The following NCOA6 variants were observed in gnomAD, a reference collection of about 807,000 sequenced individuals.
The protein encoded by NCOA6 is nuclear receptor coactivator 6, also known as NRC RAP250.
NCOA6 carries 49 observed loss-of-function variants against 171.4 expected under a neutral mutation model. The observed-to-expected ratio is 0.29, with a 90% CI of 0.23 to 0.36. NCOA6 has a LOEUF of 0.36. NCOA6 is among the 10% of genes least tolerant of loss of function. The pLI is 1.00. For synonymous variants in NCOA6, 910 were observed against 927.5 expected (o/e 0.98, Z 0.34); for missense variants, 2,248 against 2,554.5 (o/e 0.88, Z 2.59).
chr20:34,807,565 G>A (rs530813732), intron 1 of NCOA6, among the ~76,000 whole-genome samples: 31 of 152,034 alleles, frequency 2.0e-4, no homozygotes, highest in African/African-American at 4.8e-5. Context: ...TCGCTCTGTC[G>A]CTCAGGCTGG....
At chr20:34,802,554 T>A (rs1024758716) in intron 1 of NCOA6, among the ~76,000 whole-genome samples, 1 of 151,774 alleles carries the variant, frequency 6.6e-6, no homozygotes, top group African/African-American at 2.4e-5. Context: ...TGAGCCGAGA[T>A]TGCACCACTG....
intron 1 of NCOA6, among the ~76,000 whole-genome samples, chr20:34,794,013 C>T (rs1234875373): frequency 6.6e-6 from 1 of 152,150 alleles, no homozygotes; most frequent in African/African-American, 2.4e-5. Flanking sequence ...TAGCAAAACT[C>T]CAAAAATTTG....
At chr20:34,761,027 C>CCTGG (rs1203473616) in intron 5 of NCOA6, among the ~76,000 whole-genome samples, 1 of 151,970 alleles carries the variant, frequency 6.6e-6, no homozygotes, top group Non-Finnish European at 1.5e-5. Context: ...TCGAGATCAG[C>CCTGG]CTGGCCAACA....
intron 1 of NCOA6, among the ~76,000 whole-genome samples, chr20:34,799,609 A>C (rs187861229): frequency 6.6e-6 from 1 of 152,326 alleles, no homozygotes. Context: ...AACAAATAAC[A>C]ATTTTAAAAA....
chr20:34,795,654 A>G (rs748819993), intron 1 of NCOA6, among the ~76,000 whole-genome samples: 15 of 152,246 alleles, frequency 9.9e-5, no homozygotes, highest in Admixed American at 6.5e-4. Flanking sequence ...TGAAAGTCAC[A>G]ACAACCAACT....
At position 34,715,373 on chromosome 20, in the gene NCOA6, G is replaced by A. The variant is rs760505959; in HGVS notation, c.6149-8C>T. 3.4e-5 allele frequency: 55 copies of A among 1,604,530 alleles called. No individual in the cohort carries two copies. The highest frequency in any genetic ancestry group is 1.1e-4 in the African/African-American group (8 of 74,718). ...GCACCGCACTGGTTATGTCTGTGGG[G>A]GAAAGAAAGGACATGTTCAGTGGAA... On this transcript the variant is annotated splice_region_variant and splice_polypyrimidine_tract_variant and intron_variant, in intron 14 of 14. Transcript: ENST00000359003.
rs1198505621 is a variant in NCOA6 at position 34,754,721 on chromosome 20, C to T, written c.1675+1G>A. 2 of 1,613,952 alleles carry T rather than the reference C, an allele frequency of 1.2e-6. No homozygotes were observed. Among genetic ancestry groups the T allele is most frequent in the Non-Finnish European group, 1.7e-6 (2 of 1,180,022 alleles). On this transcript the variant is annotated splice_donor_variant, in intron 8 of 14. Transcript: ENST00000359003. LOFTEE classifies it high-confidence loss of function. ...GGCTAAACAAATCACAGAAAACAAA[C>T]CTGCATGCTGGACATTTTGATTTGC...
At position 34,768,597 on chromosome 20, in the gene NCOA6, G is replaced by A. The variant is rs1300437287; in HGVS notation, c.392-11C>T. On this transcript the variant is annotated splice_polypyrimidine_tract_variant and intron_variant, in intron 4 of 14. Transcript: ENST00000359003. Reference sequence around the variant, plus strand: ...TAATAGCACCTTCCCCTGAAAATGAGTCAAGTGATAAAAAGGAAATCATTA... The same window carrying A: ...TAATAGCACCTTCCCCTGAAAATGAATCAAGTGATAAAAAGGAAATCATTA... The A allele has an allele frequency of 1.9e-6, 3 of 1,612,212 alleles. No homozygotes were observed. In the South Asian group the frequency reaches 3.3e-5, roughly 18 times the overall value.
At chr20:34,752,644 G>A (rs1190307374) in intron 8 of NCOA6, among the ~76,000 whole-genome samples, 4 of 152,118 alleles carry the variant, frequency 2.6e-5, no homozygotes, top group South Asian at 4.2e-4. Flanking sequence ...ACATGTACAC[G>A]TGGGCCGGGC....
chr20:34,775,799 A>T (rs908637241), intron 4 of NCOA6, among the ~76,000 whole-genome samples: 3 of 152,032 alleles, frequency 2.0e-5, no homozygotes, highest in Admixed American at 1.3e-4. Flanking sequence ...TATTTGGTGG[A>T]AGGAAGGAAG....
At chr20:34,771,866 G>A (rs970807834) in intron 4 of NCOA6, among the ~76,000 whole-genome samples, 14 of 152,162 alleles carry the variant, frequency 9.2e-5, no homozygotes, top group African/African-American at 3.4e-4. Flanking sequence ...ACTTTTATCA[G>A]AACATCTTGT....
At chr20:34,790,641 C>T (rs1252797013) in intron 2 of NCOA6, among the ~76,000 whole-genome samples, 2 of 151,740 alleles carry the variant, frequency 1.3e-5, no homozygotes, top group Non-Finnish European at 2.9e-5. Context: ...AGGCGTGAGC[C>T]ACCACGCCTG....
At chr20:34,778,965 AAAAAAAAAAAAAAAAAAAAG>A (rs200934229) in intron 3 of NCOA6, among the ~76,000 whole-genome samples, 68,775 of 149,052 alleles carry the variant, frequency 0.46, 16,357 homozygotes, top group East Asian at 0.63. Flanking sequence ...TTTCAAAAAA[AAAAAAAAAAAAAAAAAAAAG>A]ACAAGACAAG....
intron 1 of NCOA6, among the ~76,000 whole-genome samples, chr20:34,823,486 T>C (rs2079065824): frequency 6.6e-6 from 1 of 152,232 alleles, no homozygotes; most frequent in Non-Finnish European, 1.5e-5. Context: ...TAATTCTCTT[T>C]GATTATATGG....
At chr20:34,781,416 T>C (rs2077514866) in intron 3 of NCOA6, among the ~76,000 whole-genome samples, 1 of 152,212 alleles carries the variant, frequency 6.6e-6, no homozygotes. Flanking sequence ...ACAGGTAATC[T>C]AAATGTGTGA....
chr20:34,777,700 C>CA (rs907624820), intron 3 of NCOA6, among the ~76,000 whole-genome samples: 4 of 151,680 alleles, frequency 2.6e-5, no homozygotes, highest in African/African-American at 7.3e-5. Flanking sequence ...GACAGTTTCT[C>CA]AAAAAAAATT....
chr20:34,811,595 T>C (rs2078666811), intron 1 of NCOA6, among the ~76,000 whole-genome samples: 1 of 152,160 alleles, frequency 6.6e-6, no homozygotes, highest in East Asian at 1.9e-4. Flanking sequence ...CTACTGTAAT[T>C]TGAAAACTTT....
chr20:34,797,667 C>T (rs2078120511), intron 1 of NCOA6, among the ~76,000 whole-genome samples: 1 of 151,978 alleles, frequency 6.6e-6, no homozygotes, highest in Non-Finnish European at 1.5e-5. Context: ...GTGGGTAGAT[C>T]ACCTAAGGTC....
chr20:34,743,241 T>C lies in NCOA6; in HGVS notation c.3015A>G (p.Pro1005=), dbSNP rs770677516. The C allele has an allele frequency of 1.2e-6, 2 of 1,613,874 alleles. No homozygotes were observed. The highest frequency in any genetic ancestry group is 2.2e-5 in the South Asian group (2 of 91,072). Residue 1005 remains proline (P), a synonymous_variant, in exon 11 of 15, where the codon CCA becomes CCG. Coordinates refer to ENST00000359003, the MANE Select transcript of NCOA6 (RefSeq NM_014071.5). ...GCTGCTGCTGAGGCAGTTGTGGCTG[T>C]GGCTGCTGCTGTGGTGGCTGTGGTG... ...APPPQPPQQQ[P]QPQLPQQQQP... is the part of the protein sequence containing the mutation.
Sources: allele counts gnomAD v4.1 joint callset (sites outside exome capture counted in the v4.1 genomes callset), GRCh38; gene constraint gnomAD v4.1.1; transcripts MANE v1.5; gene names NCBI Gene and HGNC (gene_info 2026-07-23, HGNC 2026-07-21).